The following RAD54L2 variants were observed in gnomAD, a reference collection of about 807,000 sequenced individuals.
The protein encoded by RAD54L2 is RAD54 like 2.
RAD54L2 carries 27 observed loss-of-function variants against 138.4 expected under a neutral mutation model. The observed-to-expected ratio is 0.20, with a 90% confidence interval of 0.14 to 0.27. The LOEUF (loss-of-function observed/expected upper bound fraction) is 0.27, where lower values mean the gene tolerates loss of function less well. RAD54L2 is among the 10% of genes least tolerant of loss of function. The pLI is 1.00. For synonymous variants in RAD54L2, 644 were observed against 723.2 expected, an observed-to-expected ratio of 0.89 and a Z score of 1.76; for missense variants, 1,396 against 1,890.2, an observed-to-expected ratio of 0.74 and a Z score of 4.85.
At chr3:51,634,360 T>A (rs1237244319) in intron 9 of RAD54L2, among the ~76,000 whole-genome samples, 12 of 118,154 alleles carry the variant, frequency 1.0e-4, no homozygotes, top group African/African-American at 4.9e-4. Flanking sequence ...ACTGTCTGAT[T>A]TTTTTTTTTT....
At chr3:51,588,753 G>A (rs1243142661) in intron 2 of RAD54L2, among the ~76,000 whole-genome samples, 1 of 152,150 alleles carries the variant, frequency 6.6e-6, no homozygotes, top group East Asian at 1.9e-4. Context: ...GACATGCACA[G>A]TGCCTGACAC....
intron 22 of RAD54L2, among the ~76,000 whole-genome samples, chr3:51,660,341 C>T (rs2106855501): frequency 6.6e-6 from 1 of 151,916 alleles, no homozygotes; most frequent in South Asian, 2.1e-4. Flanking sequence ...CAGGGTCTCG[C>T]TCTGTCGCCC....
chr3:51,601,596 G>A (rs752472150), intron 3 of RAD54L2, among the ~76,000 whole-genome samples: 9 of 151,166 alleles, frequency 6.0e-5, no homozygotes, highest in Middle Eastern at 7.0e-3. Context: ...GTGAGCCACC[G>A]CGCCCGGGCT....
intron 16 of RAD54L2, 40 bp from the exon 17 acceptor site, chr3:51,644,983 TA>T (rs781373797): frequency 6.2e-5 from 100 of 1,607,948 alleles, no homozygotes; most frequent in Middle Eastern, 2.2e-4. Context: ...AAACCTTTTT[TA>T]AGACTAAAGG....
intron 3 of RAD54L2, among the ~76,000 whole-genome samples, chr3:51,622,972 T>G (rs962812713): frequency 1.3e-5 from 2 of 152,256 alleles, no homozygotes; most frequent in Non-Finnish European, 2.9e-5. Context: ...CTGGATTTGG[T>G]GTTTTTTCCT....
chr3:51,538,789 G>A lies in RAD54L2; in HGVS notation c.-243G>A, dbSNP rs1553670633. Among the ~76,000 whole-genome samples the A allele has an allele frequency of 6.6e-6, 1 of 151,746 alleles. No individual in the cohort carries two copies. The highest frequency in any genetic ancestry group is 2.4e-5 in the African/African-American group (1 of 41,304). On this transcript the variant is annotated 5_prime_UTR_variant, in exon 1 of 23. Transcript: ENST00000684192. ...CAGCCCGCGGCGCCCGGGCCTGGCC[G>A]GCTGCTTCCCGCCTCAGCCGCCGCC...
At chr3:51,634,392 CGG>C (rs1488147117) in intron 9 of RAD54L2, among the ~76,000 whole-genome samples, 3 of 86,954 alleles carry the variant, frequency 3.5e-5, no homozygotes, top group African/African-American at 1.4e-4. Context: ...TTTTTTGAGA[CGG>C]AGTCTTGTTC....
At chr3:51,580,911 T>C (rs1352651049) in intron 2 of RAD54L2, among the ~76,000 whole-genome samples, 4 of 152,316 alleles carry the variant, frequency 2.6e-5, no homozygotes, top group African/African-American at 9.6e-5. Flanking sequence ...GTTATATTAT[T>C]TTCTGTAGAA....
rs144006677 is a variant in RAD54L2 at position 51,647,309 on chromosome 3, C to A, written c.3026+828C>A. ...CCTCGACCTGCTGGGCTCAGGTGAT[C>A]CTCACACCTCAGCCTCCCAAGTAGC... On this transcript the variant is annotated intron_variant, in intron 19 of 22. Coordinates refer to ENST00000684192, the MANE Select transcript of RAD54L2 (RefSeq NM_015106.4). Among the ~76,000 whole-genome samples the A allele has an allele frequency of 9.6e-3, 1,458 of 152,274 alleles. 13 individuals carry two copies. Among genetic ancestry groups the A allele is most frequent in the South Asian group, 0.037 (180 of 4,822 alleles).
chr3:51,621,625 CT>C (rs1559639764), intron 3 of RAD54L2, among the ~76,000 whole-genome samples: 1 of 152,218 alleles, frequency 6.6e-6, no homozygotes, highest in African/African-American at 2.4e-5. Flanking sequence ...TTCAAACCCT[CT>C]GGACTTGCCC....
In RAD54L2 at chr3:51,666,442, A is replaced by C. The variant is rs1220691769; in HGVS notation, c.*3022A>C. Reference sequence around the variant, plus strand: ...TGGCTGGTGATAAGAGGGAGGGCAGAAAATCAGGCCTAGGCGTTTTCCCTT... The same window carrying C: ...TGGCTGGTGATAAGAGGGAGGGCAGCAAATCAGGCCTAGGCGTTTTCCCTT... On this transcript the variant is annotated 3_prime_UTR_variant, in exon 23 of 23. Transcript: ENST00000684192. 1 of 152,010 alleles carries C rather than the reference A, an allele frequency of 6.6e-6. No homozygotes were observed. Among genetic ancestry groups the C allele is most frequent in the Non-Finnish European group, 1.5e-5 (1 of 68,004 alleles). 9.4% of individuals were successfully genotyped at this position (152,010 alleles called of 1,614,324 possible).
chr3:51,612,877 T>C (rs1231555405), intron 3 of RAD54L2, among the ~76,000 whole-genome samples: 1 of 152,166 alleles, frequency 6.6e-6, no homozygotes, highest in East Asian at 1.9e-4. Flanking sequence ...GTTTGGACTT[T>C]CTGAAATTTT....
Position 51,608,187 on chromosome 3 carries a change from C to G in RAD54L2, c.139+17628C>G, listed in dbSNP as rs377639893. ...GCAGAGACACTCCTCAGTTCCCACA[C>G]GGGGTCGCGGCCGGGCAGAGGCGCT... is the stretch of plus-strand genomic sequence containing the variant. On this transcript the variant is annotated intron_variant, in intron 3 of 22. Coordinates refer to ENST00000684192, the MANE Select transcript of RAD54L2 (RefSeq NM_015106.4). Among the ~76,000 whole-genome samples, 32 of 147,768 alleles carry G rather than the reference C, an allele frequency of 2.2e-4. 1 individual carries two copies. The South Asian group carries it at 5.7e-3, about 26-fold the overall frequency.
intron 21 of RAD54L2, among the ~76,000 whole-genome samples, chr3:51,658,193 A>G (rs980333296): frequency 2.4e-4 from 37 of 151,764 alleles, no homozygotes; most frequent in African/African-American, 8.7e-4. Context: ...GGGCCTCCCA[A>G]CGTGCCGGGA....
At chr3:51,600,841 C>A (rs1157309203) in intron 3 of RAD54L2, among the ~76,000 whole-genome samples, 1 of 151,906 alleles carries the variant, frequency 6.6e-6, no homozygotes, top group Non-Finnish European at 1.5e-5. Context: ...GTGGCATGCA[C>A]CTGTAATCCC....
chr3:51,630,624 T>C, intron 6 of RAD54L2, 81 bp from the exon 7 acceptor site: 1 of 1,203,156 alleles, frequency 8.3e-7, no homozygotes, highest in Non-Finnish European at 1.2e-6. Context: ...TTTAAGTTTC[T>C]GTAGTCTTCT....
At chr3:51,621,123 G>C (rs1479983678) in intron 3 of RAD54L2, among the ~76,000 whole-genome samples, 10 of 152,064 alleles carry the variant, frequency 6.6e-5, no homozygotes. Flanking sequence ...TAAAGGTATA[G>C]CATCTATTAT....
chr3:51,547,217 T>C (rs2108686801), intron 2 of RAD54L2, among the ~76,000 whole-genome samples: 1 of 152,020 alleles, frequency 6.6e-6, no homozygotes, highest in East Asian at 1.9e-4. Context: ...CTGGGCAAGG[T>C]GACACACACC....
chr3:51,634,358 A>AATT (rs1700926531), intron 9 of RAD54L2, among the ~76,000 whole-genome samples: 2 of 94,928 alleles, frequency 2.1e-5, no homozygotes, highest in Non-Finnish European at 2.0e-5. Context: ...CCACTGTCTG[A>AATT]TTTTTTTTTT....
Sources: allele counts gnomAD v4.1 joint callset (sites outside exome capture counted in the v4.1 genomes callset), GRCh38; gene constraint gnomAD v4.1.1; transcripts MANE v1.5; gene names NCBI Gene and HGNC (gene_info 2026-07-23, HGNC 2026-07-21).